Variants in POLE3 observed in about 807,000 individuals in gnomAD.
POLE3 encodes the protein DNA polymerase epsilon subunit 3.
Under a neutral mutation model 16.1 loss-of-function variants are expected in POLE3, and 10 were observed. The ratio of observed to expected loss-of-function variants is 0.62; its 90% confidence interval spans 0.38 to 1.05. The LOEUF (loss-of-function observed/expected upper bound fraction) is 1.05. Among genes scored for constraint, POLE3 ranks in the 50% least tolerant of loss-of-function variants. The pLI, the probability that POLE3 is intolerant of heterozygous loss-of-function variation, is 0.01. For missense variants in POLE3, 169 were observed against 185.0 expected (o/e 0.91, Z 0.50); for synonymous variants, 83 against 71.0 (o/e 1.17, Z -0.85).
intron 3 of POLE3, 29 bp from the exon 4 acceptor site, chr9:113,409,757 C>T: frequency 1.4e-6 from 2 of 1,431,360 alleles, no homozygotes; most frequent in Non-Finnish European, 9.9e-7. Context: ...TGTCAGACTC[C>T]CTCTTGTTTG....
intron 2 of POLE3, 32 bp from the exon 3 acceptor site, chr9:113,410,172 C>G: frequency 6.2e-7 from 1 of 1,607,454 alleles, no homozygotes; most frequent in Non-Finnish European, 8.5e-7. Flanking sequence ...GCAAAGCTGC[C>G]GTTCCAGCAC....
intron 1 of POLE3, 99 bp from the exon 2 acceptor site, chr9:113,410,507 C>T (rs928710148): frequency 6.6e-6 from 4 of 604,790 alleles, no homozygotes; most frequent in African/African-American, 1.8e-5. Flanking sequence ...TTTGAAGCCG[C>T]AGTGGTTTTG....
At position 113,408,871 on chromosome 9, in the gene POLE3, A is replaced by G. The variant is rs377215488; in HGVS notation, c.384T>C (p.Asp128=). 6.2e-6 allele frequency: 10 copies of G among 1,612,574 alleles called. No individual in the cohort carries two copies. The African/African-American group carries it at 8.0e-5, about 13-fold the overall frequency. The change falls in exon 5 of 5, where the codon GAT becomes GAC. Residue 128 remains aspartate (D), a synonymous_variant. Transcript: ENST00000374171. ...CTTCTTCCAGCCTTTCTTCGTCTTC[A>G]TCATTGTCCTCATCCCTGCTCTTGT... The part of the protein sequence containing the change: ...EQDKSRDEDN[D]EDEERLEEEE...
rs776191065 is a variant in POLE3, at chr9:113,410,156, G to A, written c.67-16C>T. 1.2e-6 allele frequency: 2 copies of A among 1,604,520 alleles called. No homozygotes were observed. Among genetic ancestry groups the A allele is most frequent in the Non-Finnish European group, 1.7e-6 (2 of 1,175,916 alleles). On this transcript the variant is annotated splice_polypyrimidine_tract_variant and intron_variant, in intron 2 of 4. Transcript: ENST00000374171. ...CGTCCGGGAGCTGCGAGGAGACCGG[G>A]GGTGAGCAAAGCTGCCGTTCCAGCA...
In POLE3 at chr9:113,410,016, G is replaced by A. The variant is rs373980525; in HGVS notation, c.152+39C>T. 161 of 1,505,928 alleles carry A rather than the reference G, an allele frequency of 1.1e-4. No homozygotes were observed. In the African/African-American group the frequency reaches 1.4e-3, roughly 13 times the overall value. The allele number at this position is 1,505,928 out of a possible 1,614,324, so 93.3% of individuals were successfully genotyped here. ...GCTCCCAGCCAGCAACTCCCAGCCA[G>A]GTATCCCCGCGCCTCCCTTATGCCT... is the stretch of plus-strand genomic sequence containing the variant. On this transcript the variant is annotated intron_variant, in intron 3 of 4. Coordinates refer to ENST00000374171, the MANE Select transcript of POLE3 (RefSeq NM_017443.5).
intron 4 of POLE3, 71 bp from the exon 5 acceptor site, chr9:113,409,054 C>CAA: frequency 7.0e-7 from 1 of 1,429,840 alleles, no homozygotes; most frequent in Admixed American, 1.8e-5. Flanking sequence ...GAGCTAATTA[C>CAA]ATTGTACAAT....
chr9:113,410,476 C>G, intron 1 of POLE3, 68 bp from the exon 2 acceptor site: 1 of 614,946 alleles, frequency 1.6e-6, no homozygotes, highest in Non-Finnish European at 2.9e-6. Flanking sequence ...GCCTCCGCCT[C>G]AAATACCGGC....
chr9:113,409,684 G>C lies in POLE3; in HGVS notation c.197C>G (p.Ala66Gly), dbSNP rs751652366. ...TTCCATGGCTGAGAGCACATCACTG[G>C]CATTCAGCGTCTTCCGCTTTCCTTT... ...AMKGKRKTLN[A>G]SDVLSAMEEM... is the part of the protein sequence containing the mutation. Residue 66 changes from alanine to glycine, a missense_variant, in exon 4 of 5, where the codon GCC (alanine) becomes GGC (glycine). By Grantham distance (60) the Ala-to-Gly change is moderately conservative. Transcript: ENST00000374171. 2 of 1,613,632 alleles carry C rather than the reference G, an allele frequency of 1.2e-6. No homozygotes were observed. The highest frequency in any genetic ancestry group is 1.7e-6 in the Non-Finnish European group (2 of 1,179,578).
chr9:113,410,731 C>T (rs930123500), upstream of POLE3: 16 of 229,396 alleles, frequency 7.0e-5, no homozygotes, highest in Non-Finnish European at 1.2e-4. Flanking sequence ...GCTGACTCGG[C>T]GGGGCGGATC....
At chr9:113,410,549 A>C in intron 1 of POLE3, 68 bp downstream of exon 1, 5 of 568,638 alleles carry the variant, frequency 8.8e-6, no homozygotes, top group Non-Finnish European at 1.3e-5. Context: ...ACCCTACCGC[A>C]CCCCGCACGC....
intron 3 of POLE3, 48 bp from the exon 4 acceptor site, chr9:113,409,776 G>A (rs767451177): frequency 3.1e-6 from 4 of 1,288,648 alleles, no homozygotes; most frequent in Non-Finnish European, 4.5e-6. Flanking sequence ...TGTAAGGCGT[G>A]AGTGGGAAAA....
Position 113,407,992 on chromosome 9 carries a change from A to G in POLE3, c.*819T>C, listed in dbSNP as rs995305725. ...AGTCTGGGAGATGGACTACAAGAAG[A>G]GGAAGCCTGGGGTTTTACACCTTCC... is the stretch of plus-strand genomic sequence containing the variant. On this transcript the variant is annotated 3_prime_UTR_variant, in exon 5 of 5. Coordinates refer to ENST00000374171, the MANE Select transcript of POLE3 (RefSeq NM_017443.5). 6.5e-6 allele frequency: 1 copy of G among 152,872 alleles called. No homozygotes were observed. The highest frequency in any genetic ancestry group is 2.4e-5 in the African/African-American group (1 of 41,460). 9.5% of individuals were successfully genotyped at this position (152,872 alleles called of 1,614,324 possible). A position where few individuals can be genotyped will look rare whatever the true frequency, so the allele number is the denominator to read the frequency against.
Position 113,410,486 on chromosome 9 carries a change from C to T in POLE3, c.-115-78G>A, listed in dbSNP as rs574086268. The T allele has an allele frequency of 1.3e-5, 8 of 609,690 alleles. No homozygotes were observed. The East Asian group carries it at 1.9e-4, about 15-fold the overall frequency. The allele number at this position is 609,690 out of a possible 1,614,324, so 37.8% of individuals were successfully genotyped here. Reference sequence around the variant, plus strand: ...GCCCCGCCTCCGCCTCAAATACCGGCGCATCCGGATTTTGAAGCCGCAGTG... The same window carrying T: ...GCCCCGCCTCCGCCTCAAATACCGGTGCATCCGGATTTTGAAGCCGCAGTG... On this transcript the variant is annotated intron_variant, in intron 1 of 4. Transcript: ENST00000374171.
In POLE3 at chr9:113,410,039, C is replaced by T; in HGVS notation, c.152+16G>A. Reference sequence around the variant, plus strand: ...CAGGTATCCCCGCGCCTCCCTTATGCCTCTGTCCCGCTCACCAGGATGTGG... The same window carrying T: ...CAGGTATCCCCGCGCCTCCCTTATGTCTCTGTCCCGCTCACCAGGATGTGG... On this transcript the variant is annotated intron_variant, in intron 3 of 4. Transcript: ENST00000374171. 1.9e-6 allele frequency: 3 copies of T among 1,549,592 alleles called. No individual in the cohort carries two copies. The South Asian group carries it at 3.6e-5, about 18-fold the overall frequency.
intron 3 of POLE3, 159 bp from the exon 4 acceptor site, chr9:113,409,887 C>A: frequency 1.3e-6 from 1 of 756,000 alleles, no homozygotes; most frequent in African/African-American, 1.7e-5. Context: ...AAAGCTAAAG[C>A]AAAGTGATTT....
intron 4 of POLE3, 83 bp downstream of exon 4, chr9:113,409,527 C>T (rs2119035422): frequency 1.2e-6 from 1 of 827,864 alleles, no homozygotes; most frequent in Non-Finnish European, 2.1e-6. Flanking sequence ...AAGGGACCCG[C>T]GCTGAGAAGG....
chr9:113,410,092 G>T lies in POLE3; in HGVS notation c.115C>A (p.Arg39Ser), dbSNP rs376900773. The change falls in exon 3 of 5, where the codon CGC (arginine) becomes AGC (serine). Residue 39 changes from arginine to serine, a missense_variant. Transcript: ENST00000374171. ...TACAGCACGAAGACGCTGGCGGCGC[G>T]GGAGATGGCGCTCCGGGCCTCCTTG... ...ISKEARSAISRAASVFVLYAT... is the reference protein window; with the variant it reads ...ISKEARSAISSAASVFVLYAT... 2 of 1,584,044 alleles carry T rather than the reference G, an allele frequency of 1.3e-6. No homozygotes were observed. The highest frequency in any genetic ancestry group is 1.7e-6 in the Non-Finnish European group (2 of 1,165,676).
At chr9:113,409,359 C>CAAAAAAAAAAAAAA (rs35481754) in intron 4 of POLE3, among the ~76,000 whole-genome samples, 1 of 89,502 alleles carries the variant, frequency 1.1e-5, no homozygotes, top group African/African-American at 4.1e-5. Context: ...GACTCCGTCT[C>CAAAAAAAAAAAAAA]AAAAAAAAAA....
In POLE3 at chr9:113,409,680, A is replaced by G; in HGVS notation, c.201T>C (p.Ser67=). ...TCTCTTCCATGGCTGAGAGCACATC[A>G]CTGGCATTCAGCGTCTTCCGCTTTC... The part of the protein sequence containing the change: ...MKGKRKTLNA[S]DVLSAMEEME... Residue 67 remains serine (S), a synonymous_variant, in exon 4 of 5, where the codon AGT becomes AGC. Transcript: ENST00000374171. 2 of 1,613,924 alleles carry G rather than the reference A, an allele frequency of 1.2e-6. No homozygotes were observed. The highest frequency in any genetic ancestry group is 1.3e-5 in the African/African-American group (1 of 75,046).
Sources: gnomAD v4.1 joint callset for allele counts (sites outside exome capture counted in the v4.1 genomes callset) on GRCh38, gnomAD v4.1.1 for gene constraint, MANE v1.5 for transcripts, NCBI Gene and HGNC (gene_info 2026-07-23, HGNC 2026-07-21) for gene names.